The following GNAL variants were observed in gnomAD, a reference collection of about 807,000 sequenced individuals.
GNAL encodes the protein G protein subunit alpha L.
A neutral mutation model predicts 55.1 loss-of-function variants in GNAL; 18 were observed. The observed-to-expected ratio is 0.33, with a 90% CI of 0.23 to 0.48. GNAL has a LOEUF of 0.48. Ranked by LOEUF, GNAL falls within the 20% of genes least tolerant of loss-of-function variation. The pLI, the probability that GNAL is intolerant of heterozygous loss-of-function variation, is 0.99. For missense variants in GNAL, 412 were observed against 614.1 expected (o/e 0.67, Z 3.48); for synonymous variants, 253 against 237.0 (o/e 1.07, Z -0.62).
intron 1 of GNAL, among the ~76,000 whole-genome samples, chr18:11,744,082 G>C (rs1217882962): frequency 6.6e-6 from 1 of 152,132 alleles, no homozygotes; most frequent in African/African-American, 2.4e-5. Context: ...ACTCCTATCT[G>C]TGCCACTGAG....
intron 4 of GNAL, among the ~76,000 whole-genome samples, chr18:11,788,912 A>ATAT (rs1485147640): frequency 7.0e-3 from 479 of 68,592 alleles, no homozygotes; most frequent in African/African-American, 0.016. Flanking sequence ...AAAAAAAAAA[A>ATAT]AAATATATAT....
intron 4 of GNAL, among the ~76,000 whole-genome samples, chr18:11,816,313 T>C (rs1220365801): frequency 6.6e-6 from 1 of 152,070 alleles, no homozygotes. Flanking sequence ...TTTAATTTTT[T>C]TGAGACCGAG....
In GNAL at chr18:11,796,838, A is replaced by G. The variant is rs554898216; in HGVS notation, c.625-28080A>G. The stretch of plus-strand genomic sequence containing the variant: ...GCATTCATCATATAAGTATCCCATT[A>G]CTCATTTCCAAATTTCCTAATGTAG... On this transcript the variant is annotated intron_variant, in intron 4 of 11. Coordinates refer to ENST00000334049, the MANE Select transcript of GNAL (RefSeq NM_182978.4). 3.9e-5 allele frequency among the ~76,000 whole-genome samples: 6 copies of G among 152,226 alleles called. No individual in the cohort carries two copies. The South Asian group carries it at 1.0e-3, about 26-fold the overall frequency.
chr18:11,881,246 G>C lies in GNAL; in HGVS notation c.*111G>C. 9.1e-7 allele frequency: 1 copy of C among 1,104,394 alleles called. No homozygotes were observed. Among genetic ancestry groups the C allele is most frequent in the Non-Finnish European group, 1.3e-6 (1 of 787,340 alleles). The allele number at this position is 1,104,394 out of a possible 1,614,324, so 68.4% of individuals were successfully genotyped here. A position where few individuals can be genotyped will look rare whatever the true frequency, so the allele number is the denominator to read the frequency against. On this transcript the variant is annotated 3_prime_UTR_variant, in exon 12 of 12. Transcript: ENST00000334049. The surrounding 1 kb of genome is among the most constrained non-coding windows in gnomAD (Gnocchi z 4.8). ...GTTCCATCTCGCTGCCGTCTGTCCC[G>C]TTCTGTGTCGACCACCAAGCCTCTG...
intron 1 of GNAL, among the ~76,000 whole-genome samples, chr18:11,744,616 C>T (rs1206341968): frequency 1.3e-5 from 2 of 152,220 alleles, no homozygotes; most frequent in African/African-American, 2.4e-5. Context: ...GCCACAACTC[C>T]AGCACCACCC....
intron 11 of GNAL, 40 bp from the exon 12 acceptor site, chr18:11,880,949 T>C (rs1185060599): frequency 6.3e-7 from 1 of 1,596,760 alleles, no homozygotes; most frequent in Non-Finnish European, 8.6e-7. Flanking sequence ...GAGTACATGC[T>C]GGGGCCGCGC....
chr18:11,759,761 G>C (rs1054844076), intron 4 of GNAL, among the ~76,000 whole-genome samples: 16 of 152,252 alleles, frequency 1.1e-4, no homozygotes, highest in Non-Finnish European at 1.6e-4. Context: ...GCCGTGTGCT[G>C]CCGCCTCTCC....
At chr18:11,695,095 A>G (rs2031368500) in intron 1 of GNAL, among the ~76,000 whole-genome samples, 1 of 152,164 alleles carries the variant, frequency 6.6e-6, no homozygotes, top group Non-Finnish European at 1.5e-5. Flanking sequence ...GATGGGAAGC[A>G]CAATTCAGTC....
chr18:11,699,340 A>T (rs2031501319), intron 1 of GNAL, among the ~76,000 whole-genome samples: 2 of 151,010 alleles, frequency 1.3e-5, no homozygotes, highest in African/African-American at 2.4e-5. Flanking sequence ...GACCACAGGC[A>T]CCCACCACCA....
At chr18:11,861,578 C>T (rs924874573) in intron 5 of GNAL, among the ~76,000 whole-genome samples, 2 of 152,196 alleles carry the variant, frequency 1.3e-5, no homozygotes, top group African/African-American at 4.8e-5. Context: ...GGGAAACGTG[C>T]AGCCTGGATA....
chr18:11,789,652 A>AGT (rs1394067232), intron 4 of GNAL, among the ~76,000 whole-genome samples: 1 of 152,240 alleles, frequency 6.6e-6, no homozygotes, highest in African/African-American at 2.4e-5. Flanking sequence ...GTTCTAATAA[A>AGT]GTACCATGTC....
rs2036959164 is a variant in GNAL, at chr18:11,884,938, CAG to C, written c.*3807_*3808del. Reference sequence around the variant, plus strand: ...ATCAAATATAGTGGGGGATCCATAACAGAGATTCAGAGAGGCACCGTGGAGTT... The same window carrying C: ...ATCAAATATAGTGGGGGATCCATAACAGATTCAGAGAGGCACCGTGGAGTT... On this transcript the variant is annotated 3_prime_UTR_variant, in exon 12 of 12. Coordinates refer to ENST00000334049, the MANE Select transcript of GNAL (RefSeq NM_182978.4). 3 of 1,287,136 alleles carry C rather than the reference CAG, an allele frequency of 2.3e-6. No individual in the cohort carries two copies. Among genetic ancestry groups the C allele is most frequent in the African/African-American group, 3.0e-5 (2 of 65,792 alleles). 79.7% of individuals were successfully genotyped at this position (1,287,136 alleles called of 1,614,324 possible).
intron 6 of GNAL, 111 bp from the exon 7 acceptor site, chr18:11,864,422 A>G (rs2036215205): frequency 1.2e-5 from 9 of 733,860 alleles, no homozygotes; most frequent in South Asian, 1.2e-4. Flanking sequence ...TGTTTCCTTT[A>G]CAGTGGAACA....
chr18:11,821,298 T>C (rs1409700908), intron 4 of GNAL, among the ~76,000 whole-genome samples: 1 of 152,206 alleles, frequency 6.6e-6, no homozygotes, highest in Non-Finnish European at 1.5e-5. Flanking sequence ...TAGAAGATGA[T>C]TTAATATATA....
chr18:11,752,120 G>C lies in GNAL; in HGVS notation c.377-733G>C, dbSNP rs1235799743. ...CGCTGCGCCACCTCGGCTGTCTCCA[G>C]CGGAGACCGGCGCCCTCGCCCCCCG... On this transcript the variant is annotated intron_variant, in intron 1 of 11. Transcript: ENST00000334049. The surrounding 1 kb of genome is among the most constrained non-coding windows in gnomAD (Gnocchi z 4.5). 5.0e-6 allele frequency: 1 copy of C among 200,724 alleles called. No individual in the cohort carries two copies. The allele number at this position is 200,724 out of a possible 1,614,324, so 12.4% of individuals were successfully genotyped here. A position where few individuals can be genotyped will look rare whatever the true frequency, so the allele number is the denominator to read the frequency against.
At chr18:11,805,410 GA>G (rs778249719) in intron 4 of GNAL, among the ~76,000 whole-genome samples, 8 of 152,132 alleles carry the variant, frequency 5.3e-5, no homozygotes, top group Admixed American at 3.9e-4. Context: ...GGAACATGGA[GA>G]TATTGTGTAG....
chr18:11,838,118 G>T (rs541009774), intron 5 of GNAL, among the ~76,000 whole-genome samples: 1 of 152,250 alleles, frequency 6.6e-6, no homozygotes, highest in Admixed American at 6.5e-5. Context: ...GTGACAAAAT[G>T]AGACCCAGTC....
chr18:11,857,558 C>T, intron 5 of GNAL: 1 of 985,326 alleles, frequency 1.0e-6, no homozygotes, highest in Non-Finnish European at 1.2e-6. Context: ...ATGGTTCAGG[C>T]AGAGATTAGA....
intron 1 of GNAL, among the ~76,000 whole-genome samples, chr18:11,703,543 T>C (rs1219698033): frequency 6.6e-6 from 1 of 152,226 alleles, no homozygotes; most frequent in Non-Finnish European, 1.5e-5. Flanking sequence ...TACTTTGTTT[T>C]AGAATTGCTT....
Sources: allele counts gnomAD v4.1 joint callset (sites outside exome capture counted in the v4.1 genomes callset), GRCh38; gene constraint gnomAD v4.1.1; non-coding constraint Gnocchi (gnomAD v3.1); transcripts MANE v1.5; gene names NCBI Gene and HGNC (gene_info 2026-07-23, HGNC 2026-07-21).